KNDC1: variants seen among roughly 807,000 people sequenced by gnomAD.
KNDC1 encodes the protein kinase non-catalytic C-lobe domain-containing protein 1.
In KNDC1, 106 loss-of-function variants were observed where a neutral mutation model predicts 172.8. The ratio of observed to expected loss-of-function variants is 0.61; its 90% confidence interval spans 0.52 to 0.72. The LOEUF (loss-of-function observed/expected upper bound fraction) is 0.72. Among genes scored for constraint, KNDC1 ranks in the 30% least tolerant of loss-of-function variants. The probability of loss-of-function intolerance (pLI) is 0.00; values close to 1 mark genes in which losing one functional copy is unlikely to be tolerated. For synonymous variants in KNDC1, 1,083 were observed against 1,062.2 expected (o/e 1.02, Z -0.38); for missense variants, 2,325 against 2,394.5 (o/e 0.97, Z 0.61).
At chr10:133,180,308 G>A (rs1408125156) in intron 3 of KNDC1, among the ~76,000 whole-genome samples, 1 of 152,222 alleles carries the variant, frequency 6.6e-6, no homozygotes, top group Non-Finnish European at 1.5e-5. Context: ...GTGCAAGGCA[G>A]GCCCCGTATG....
intron 26 of KNDC1, among the ~76,000 whole-genome samples, chr10:133,218,525 C>T (rs1025929317): frequency 1.6e-5 from 2 of 127,548 alleles, no homozygotes; most frequent in Non-Finnish European, 3.7e-5. Flanking sequence ...CCTGAAGCTG[C>T]CTGGGGAGGT....
Position 133,198,984 on chromosome 10 carries a change from C to T in KNDC1, c.2476C>T (p.Arg826Cys), listed in dbSNP as rs773757615. Reference protein sequence around the residue: ...LGPTTAHHGPRHPPKPPRSKA... With the variant: ...LGPTTAHHGPCHPPKPPRSKA... Reference sequence around the variant, plus strand: ...GCCCACCACGGCCCACCACGGCCCACGCCACCCGCCCAAGCCCCCACGAAG... The same window carrying T: ...GCCCACCACGGCCCACCACGGCCCATGCCACCCGCCCAAGCCCCCACGAAG... The change falls in exon 14 of 30, where the codon CGC becomes TGC. Residue 826 changes from arginine to cysteine, a missense_variant. By Grantham distance (180) the Arg-to-Cys change is radical (BLOSUM62 -3). Transcript: ENST00000304613. The T allele has an allele frequency of 3.3e-5, 51 of 1,548,408 alleles. No individual in the cohort carries two copies. Among genetic ancestry groups the T allele is most frequent in the South Asian group, 8.3e-5 (7 of 84,616 alleles).
At chr10:133,222,210 G>A (rs1444301572) in intron 29 of KNDC1, among the ~76,000 whole-genome samples, 1 of 148,974 alleles carries the variant, frequency 6.7e-6, no homozygotes, top group African/African-American at 2.5e-5. Flanking sequence ...GTGAACCCGG[G>A]AGGCGGAGCT....
In KNDC1 at chr10:133,200,378, G is replaced by A. The variant is rs768104424; in HGVS notation, c.2907G>A (p.Thr969=). 3.1e-6 allele frequency: 5 copies of A among 1,588,428 alleles called. No homozygotes were observed. The highest frequency in any genetic ancestry group is 1.4e-5 in the African/African-American group (1 of 73,042). Residue 969 remains threonine (T), a synonymous_variant, in exon 16 of 30, where the codon ACG becomes ACA. Transcript: ENST00000304613. ...VNGQASPSPS[T]AEEAGSQLEG... is the part of the protein sequence containing the mutation. Reference sequence around the variant, plus strand: ...TGACCTGCATTCTCGTCGTCAGCACGGCCGAGGAGGCTGGGTCACAGCTCG... The same window carrying A: ...TGACCTGCATTCTCGTCGTCAGCACAGCCGAGGAGGCTGGGTCACAGCTCG...
At chr10:133,179,891 C>T (rs945144593) in intron 3 of KNDC1, among the ~76,000 whole-genome samples, 17 of 152,224 alleles carry the variant, frequency 1.1e-4, no homozygotes, top group Non-Finnish European at 2.2e-4. Context: ...CCGCTGACGG[C>T]CAAGCCCAGC....
At chr10:133,161,955 GTCTT>G (rs1355284851) in intron 1 of KNDC1, among the ~76,000 whole-genome samples, 2 of 152,090 alleles carry the variant, frequency 1.3e-5, no homozygotes, top group Non-Finnish European at 2.9e-5. Flanking sequence ...GCCACAGGCT[GTCTT>G]TCTGCACACT....
At chr10:133,188,926 G>A (rs1231230944) in intron 7 of KNDC1, among the ~76,000 whole-genome samples, 1 of 152,080 alleles carries the variant, frequency 6.6e-6, no homozygotes, top group African/African-American at 2.4e-5. Context: ...CGAGGGAGGT[G>A]TGGGGACAGA....
Position 133,199,028 on chromosome 10 carries a change from G to C in KNDC1, c.2520G>C (p.Pro840=). Residue 840 remains proline (P), a synonymous_variant, in exon 14 of 30, where the codon CCG becomes CCC. Transcript: ENST00000304613. ...KPPRSKATER[P]GQEPEGPGAT... is the part of the protein sequence containing the mutation. ...CACGAAGCAAGGCCACCGAGCGCCC[G>C]GGCCAGGAGCCAGAGGGCCCCGGGG... 6.3e-7 allele frequency: 1 copy of C among 1,576,058 alleles called. No individual in the cohort carries two copies. Among genetic ancestry groups the C allele is most frequent in the South Asian group, 1.2e-5 (1 of 86,866 alleles).
chr10:133,197,502 TCC>T (rs1854227352), intron 11 of KNDC1, among the ~76,000 whole-genome samples, 171 bp from the exon 12 acceptor site: 1 of 152,106 alleles, frequency 6.6e-6, no homozygotes, highest in African/African-American at 2.4e-5. Flanking sequence ...CCCCAACGGC[TCC>T]CTCTCCAGGC....
At chr10:133,167,294 C>G (rs746457235) in intron 1 of KNDC1, 87 bp from the exon 2 acceptor site, 153 of 1,324,058 alleles carry the variant, frequency 1.2e-4, no homozygotes, top group Non-Finnish European at 1.5e-4. Flanking sequence ...CACGAGTCGT[C>G]CGTTTCCCCA....
intron 26 of KNDC1, among the ~76,000 whole-genome samples, chr10:133,214,884 C>G (rs1408340347): frequency 6.6e-6 from 1 of 152,230 alleles, no homozygotes; most frequent in Admixed American, 6.5e-5. Context: ...GCTCATCCTT[C>G]ACGGGGCTTA....
intron 2 of KNDC1, 30 bp from the exon 3 acceptor site, chr10:133,168,224 C>A (rs748486871): frequency 6.3e-7 from 1 of 1,592,502 alleles, no homozygotes; most frequent in African/African-American, 1.3e-5. Flanking sequence ...TGACCAGAAG[C>A]CTTCTCTCCT....
chr10:133,213,551 C>T lies in KNDC1; in HGVS notation c.4444-94C>T, dbSNP rs546683684. 1,091 of 1,037,004 alleles carry T rather than the reference C, an allele frequency of 1.1e-3. 2 individuals carry two copies. Among genetic ancestry groups the T allele is most frequent in the South Asian group, 1.9e-3 (135 of 72,272 alleles). The allele number at this position is 1,037,004 out of a possible 1,614,324, so 64.2% of individuals were successfully genotyped here. Reference sequence around the variant, plus strand: ...TGAACCTGGGATTGCAGAGCTGGCCCCCCAGAAAACACCCACCCTCCCTGG... The same window carrying T: ...TGAACCTGGGATTGCAGAGCTGGCCTCCCAGAAAACACCCACCCTCCCTGG... On this transcript the variant is annotated intron_variant, in intron 24 of 29. Coordinates refer to ENST00000304613, the MANE Select transcript of KNDC1 (RefSeq NM_152643.8).
Position 133,201,886 on chromosome 10 carries a change from C to T in KNDC1, c.3375C>T (p.Asp1125=), listed in dbSNP as rs764669020. Residue 1125 remains aspartate, a synonymous_variant, in exon 17 of 30, where the codon GAC becomes GAT. Transcript: ENST00000304613. The stretch of plus-strand genomic sequence containing the variant: ...AGCAGGCGGACGGGGCCCTGCCCGA[C>T]GCCCAGAGCCCGGTGAGTCCCAGGC... ...GRQQADGALP[D]AQSPELEQQL... is the part of the protein sequence containing the mutation. 23 of 1,469,066 alleles carry T rather than the reference C, an allele frequency of 1.6e-5. No homozygotes were observed. The highest frequency in any genetic ancestry group is 1.8e-4 in the Middle Eastern group (1 of 5,572). 91.0% of individuals were successfully genotyped at this position (1,469,066 alleles called of 1,614,324 possible).
intron 16 of KNDC1, among the ~76,000 whole-genome samples, chr10:133,200,925 A>G (rs2998135): frequency 0.56 from 84,679 of 152,098 alleles, 23,642 homozygotes; most frequent in South Asian, 0.64. Context: ...CCCAGCGTCC[A>G]GCCAGCAGGC....
At chr10:133,171,593 A>G (rs781077848) in intron 3 of KNDC1, among the ~76,000 whole-genome samples, 14 of 151,526 alleles carry the variant, frequency 9.2e-5, no homozygotes, top group Non-Finnish European at 1.8e-4. Context: ...CCTCTTTTTA[A>G]TTACATTTTT....
chr10:133,212,982 C>G (rs1254930462), intron 24 of KNDC1, 60 bp downstream of exon 24: 1 of 1,457,782 alleles, frequency 6.9e-7, no homozygotes, highest in Non-Finnish European at 9.4e-7. Flanking sequence ...AGAAACACTC[C>G]GCGCCCATAG....
At chr10:133,204,329 C>T (rs1000777569) in intron 17 of KNDC1, among the ~76,000 whole-genome samples, 1 of 152,248 alleles carries the variant, frequency 6.6e-6, no homozygotes, top group African/African-American at 2.4e-5. Flanking sequence ...AAACATGGCC[C>T]ACGTGACTGA....
chr10:133,168,848 C>T (rs1853275032), intron 3 of KNDC1, among the ~76,000 whole-genome samples: 1 of 152,140 alleles, frequency 6.6e-6, no homozygotes, highest in African/African-American at 2.4e-5. Context: ...CTGCTGCTCC[C>T]AGAGCAGACT....
Sources: allele counts gnomAD v4.1 joint callset (sites outside exome capture counted in the v4.1 genomes callset), GRCh38; gene constraint gnomAD v4.1.1; transcripts MANE v1.5; gene names NCBI Gene and HGNC (gene_info 2026-07-23, HGNC 2026-07-21).